PKIB: variants seen among roughly 807,000 people sequenced by gnomAD.
PKIB encodes the protein PKI-beta.
PKIB carries 2 observed loss-of-function variants against 4.5 expected under a neutral mutation model. The observed-to-expected ratio is 0.44, with a 90% confidence interval of 0.18 to 1.39. PKIB has a LOEUF of 1.39. Ranked by LOEUF, PKIB falls within the 40% of genes most tolerant of loss-of-function variation. The pLI, the probability that PKIB is intolerant of heterozygous loss-of-function variation, is 0.27. For missense variants in PKIB, 94 were observed against 92.6 expected (o/e 1.02, Z -0.06); for synonymous variants, 38 against 36.0 (o/e 1.06, Z -0.20).
At chr6:122,577,770 G>A (rs551120030) in intron 2 of PKIB, among the ~76,000 whole-genome samples, 6 of 151,794 alleles carry the variant, frequency 4.0e-5, no homozygotes, top group East Asian at 1.9e-4. Context: ...TTAGCCGGGC[G>A]TGGTGGTGGC....
chr6:122,569,699 C>T (rs572653706), intron 2 of PKIB, among the ~76,000 whole-genome samples: 10 of 152,306 alleles, frequency 6.6e-5, no homozygotes, highest in African/African-American at 1.9e-4. Flanking sequence ...TCTGGTAACT[C>T]CACTCGGTGG....
chr6:122,585,071 TG>T (rs879809087), intron 2 of PKIB, among the ~76,000 whole-genome samples: 57 of 152,174 alleles, frequency 3.7e-4, no homozygotes, highest in Non-Finnish European at 7.1e-4. Flanking sequence ...GGTATACATA[TG>T]ACTGCAGGAC....
chr6:122,547,197 G>T (rs77164853), intron 2 of PKIB, among the ~76,000 whole-genome samples: 14,228 of 152,054 alleles, frequency 0.094, 835 homozygotes, highest in South Asian at 0.15. Context: ...AAGGTGTCAC[G>T]CCCAGTGTTA....
chr6:122,550,281 T>G (rs1772636660), intron 2 of PKIB, among the ~76,000 whole-genome samples: 1 of 151,656 alleles, frequency 6.6e-6, no homozygotes, highest in African/African-American at 2.4e-5. Context: ...TCTAGTCTAA[T>G]ATGAAAGAAC....
intron 2 of PKIB, among the ~76,000 whole-genome samples, chr6:122,498,049 C>G (rs1241778274): frequency 6.6e-6 from 1 of 152,212 alleles, no homozygotes; most frequent in African/African-American, 2.4e-5. Context: ...ATACAAATCA[C>G]TACCAAGAAA....
chr6:122,591,137 TCTC>T (rs1416681412), intron 3 of PKIB, among the ~76,000 whole-genome samples: 2 of 151,374 alleles, frequency 1.3e-5, no homozygotes, highest in Non-Finnish European at 2.9e-5. Flanking sequence ...GGCTCCAGCT[TCTC>T]CTTAAAAATT....
At chr6:122,685,932 T>C (rs905785134) in intron 3 of PKIB, among the ~76,000 whole-genome samples, 13 of 152,206 alleles carry the variant, frequency 8.5e-5, no homozygotes, top group African/African-American at 2.2e-4. Flanking sequence ...GCCTGGCTTA[T>C]TTCAATTAAC....
At chr6:122,556,045 A>G (rs1772827102) in intron 2 of PKIB, among the ~76,000 whole-genome samples, 1 of 152,110 alleles carries the variant, frequency 6.6e-6, no homozygotes, top group African/African-American at 2.4e-5. Flanking sequence ...TGTAATCTGA[A>G]TTTTAATCCC....
intron 2 of PKIB, among the ~76,000 whole-genome samples, chr6:122,522,690 C>T (rs906035480): frequency 3.3e-5 from 5 of 152,266 alleles, no homozygotes; most frequent in African/African-American, 1.2e-4. Flanking sequence ...TTTTGCTTCC[C>T]GGGTGAGGCA....
At chr6:122,502,361 T>C (rs918767349) in intron 2 of PKIB, among the ~76,000 whole-genome samples, 4 of 151,944 alleles carry the variant, frequency 2.6e-5, no homozygotes, top group African/African-American at 9.7e-5. Flanking sequence ...TATAAAGACA[T>C]ACCTGAGCCT....
intron 2 of PKIB, among the ~76,000 whole-genome samples, chr6:122,488,573 A>G (rs981996799): frequency 1.3e-5 from 2 of 151,832 alleles, no homozygotes; most frequent in Non-Finnish European, 2.9e-5. Context: ...TTGGGACAAC[A>G]GGCACACCAT....
At chr6:122,655,564 A>G (rs977072625) in intron 2 of PKIB, among the ~76,000 whole-genome samples, 2 of 152,164 alleles carry the variant, frequency 1.3e-5, no homozygotes, top group African/African-American at 4.8e-5. Flanking sequence ...TGAGAAATAA[A>G]TTTTTGTTGT....
chr6:122,614,354 A>G (rs977471587), intron 1 of PKIB, among the ~76,000 whole-genome samples: 13 of 152,226 alleles, frequency 8.5e-5, no homozygotes, highest in African/African-American at 3.1e-4. Context: ...GTTTTAATGT[A>G]ATTGAAGAAG....
In PKIB at chr6:122,573,701, G is replaced by A. The variant is rs893918935; in HGVS notation, c.-247-12220G>A. ...AATTATCTCAATAGATGCAGAAAAA[G>A]CATTTGACAAAATGCAGCATCCCTT... On this transcript the variant is annotated intron_variant, in intron 2 of 6. Transcript: ENST00000392491. Among the ~76,000 whole-genome samples the A allele has an allele frequency of 5.9e-5, 9 of 151,984 alleles. No individual in the cohort carries two copies. The East Asian group carries it at 1.7e-3, about 29-fold the overall frequency.
At chr6:122,474,753 G>A (rs571757754) in intron 1 of PKIB, among the ~76,000 whole-genome samples, 1 of 152,356 alleles carries the variant, frequency 6.6e-6, no homozygotes, top group Admixed American at 6.5e-5. Context: ...GAGTACTATA[G>A]ACAGGCTTAA....
chr6:122,671,247 G>A (rs545590828), intron 2 of PKIB, among the ~76,000 whole-genome samples: 1 of 150,914 alleles, frequency 6.6e-6, no homozygotes, highest in South Asian at 2.1e-4. Flanking sequence ...AGCCAAAATT[G>A]CGCCACTGCA....
At chr6:122,713,610 G>T (rs1253514652) in intron 3 of PKIB, among the ~76,000 whole-genome samples, 1 of 152,192 alleles carries the variant, frequency 6.6e-6, no homozygotes, top group East Asian at 1.9e-4. Context: ...CTGGGGGAAG[G>T]AGAAGCTTTC....
intron 1 of PKIB, among the ~76,000 whole-genome samples, chr6:122,614,823 G>A (rs1774919169): frequency 6.6e-6 from 1 of 152,104 alleles, no homozygotes. Context: ...TGTGTGTAAA[G>A]AGGGCTTACA....
At chr6:122,576,710 A>ATATATATATATTTTTTT (rs59569106) in intron 2 of PKIB, among the ~76,000 whole-genome samples, 2 of 109,986 alleles carry the variant, frequency 1.8e-5, no homozygotes, top group African/African-American at 7.9e-5. Context: ...ATATATATAT[A>ATATATATATATTTTTTT]TTTTCTTTTG....
Sources: gnomAD v4.1 joint callset for allele counts (sites outside exome capture counted in the v4.1 genomes callset) on GRCh38, gnomAD v4.1.1 for gene constraint, MANE v1.5 for transcripts, NCBI Gene and HGNC (gene_info 2026-07-23, HGNC 2026-07-21) for gene names.